FAM168A: variants seen among roughly 807,000 people sequenced by gnomAD.
FAM168A encodes the protein family with sequence similarity 168 member A.
A neutral mutation model predicts 28.5 loss-of-function variants in FAM168A; 3 were observed. The observed-to-expected ratio is 0.11, with a 90% confidence interval of 0.05 to 0.27. The LOEUF is 0.27. Ranked by LOEUF, FAM168A falls within the 10% of genes least tolerant of loss-of-function variation. FAM168A has a pLI of 1.00. For missense variants in FAM168A, 222 were observed against 311.5 expected (o/e 0.71, Z 2.16); for synonymous variants, 122 against 124.2 (o/e 0.98, Z 0.12).
At chr11:73,442,834 CTTTCTTTT>C (rs1305409723) in intron 2 of FAM168A, among the ~76,000 whole-genome samples, 2 of 131,590 alleles carry the variant, frequency 1.5e-5, no homozygotes, top group Non-Finnish European at 3.2e-5. Flanking sequence ...TTCTTTCTTT[CTTTCTTTT>C]TTTTTTTTTT....
chr11:73,500,985 T>C (rs1854999728), intron 1 of FAM168A, among the ~76,000 whole-genome samples: 1 of 145,530 alleles, frequency 6.9e-6, no homozygotes, highest in African/African-American at 2.6e-5. Context: ...AATAAAGGGA[T>C]GGAAGAAAAT....
At chr11:73,496,294 G>A (rs1045897158) in intron 1 of FAM168A, among the ~76,000 whole-genome samples, 1 of 152,198 alleles carries the variant, frequency 6.6e-6, no homozygotes, top group African/African-American at 2.4e-5. Context: ...AAAGTAAAAT[G>A]GTGGTTACCA....
At chr11:73,582,817 A>G (rs1206273975) in intron 1 of FAM168A, among the ~76,000 whole-genome samples, 2 of 152,208 alleles carry the variant, frequency 1.3e-5, no homozygotes, top group Non-Finnish European at 2.9e-5. Context: ...ATTCATTCCA[A>G]GTGAGATTCC....
At chr11:73,492,538 G>A (rs1179554196) in intron 1 of FAM168A, among the ~76,000 whole-genome samples, 1 of 152,100 alleles carries the variant, frequency 6.6e-6, no homozygotes, top group Non-Finnish European at 1.5e-5. Flanking sequence ...GCTACACGGG[G>A]GGCTGAGGCA....
chr11:73,468,631 A>G (rs149058694), intron 1 of FAM168A, 139 bp from the exon 2 acceptor site: 70 of 654,322 alleles, frequency 1.1e-4, no homozygotes, highest in African/African-American at 9.3e-4. Flanking sequence ...AAAAAAGCCA[A>G]TTTGCTTGTA....
At chr11:73,438,213 A>C (rs1219436862) in intron 2 of FAM168A, among the ~76,000 whole-genome samples, 1 of 152,174 alleles carries the variant, frequency 6.6e-6, no homozygotes, top group Admixed American at 6.5e-5. Context: ...CTTACAGTCT[A>C]ATGGGAAAAT....
intron 2 of FAM168A, among the ~76,000 whole-genome samples, chr11:73,465,219 A>G (rs1289031475): frequency 1.3e-5 from 2 of 149,686 alleles, no homozygotes; most frequent in Non-Finnish European, 3.0e-5. Context: ...AGATTTCAGC[A>G]GAGATCTGAC....
chr11:73,548,966 G>A (rs776355231), intron 1 of FAM168A, among the ~76,000 whole-genome samples: 3 of 151,824 alleles, frequency 2.0e-5, no homozygotes, highest in Non-Finnish European at 4.4e-5. Context: ...TTTTGAGACG[G>A]AGTTTTGCTC....
At chr11:73,477,174 T>C (rs1055278630) in intron 1 of FAM168A, among the ~76,000 whole-genome samples, 6 of 151,842 alleles carry the variant, frequency 4.0e-5, no homozygotes, top group Non-Finnish European at 5.9e-5. Flanking sequence ...TGAGTACACA[T>C]AGACACAATG....
chr11:73,519,195 C>T (rs1012628501), intron 1 of FAM168A, among the ~76,000 whole-genome samples: 1 of 152,148 alleles, frequency 6.6e-6, no homozygotes, highest in Non-Finnish European at 1.5e-5. Flanking sequence ...TTTCTCCTCC[C>T]CTTGAATCTG....
intron 1 of FAM168A, among the ~76,000 whole-genome samples, chr11:73,490,500 T>C (rs1868113123): frequency 6.6e-6 from 1 of 152,184 alleles, no homozygotes; most frequent in Admixed American, 6.5e-5. Context: ...AATTACCTTC[T>C]CAACCTTTTG....
At chr11:73,577,028 G>C (rs549205332) in intron 1 of FAM168A, among the ~76,000 whole-genome samples, 1 of 152,252 alleles carries the variant, frequency 6.6e-6, no homozygotes, top group East Asian at 1.9e-4. Context: ...GACTTGAATG[G>C]GAAACCTGAG....
chr11:73,407,556 T>A lies in FAM168A; in HGVS notation c.683A>T (p.Tyr228Phe), dbSNP rs1305913923. The A allele has an allele frequency of 1.2e-6, 2 of 1,603,674 alleles. No homozygotes were observed. Among genetic ancestry groups the A allele is most frequent in the African/African-American group, 1.3e-5 (1 of 74,212 alleles). ...TTACCAGTGTGGGGGCACGTAGCTG[T>A]ACGCAGGGGTTCCTTGGGCCCTATA... ...PTYRAQGTPAYSYVPPHW is the reference protein window; with the variant it reads ...PTYRAQGTPAFSYVPPHW Residue 228 changes from tyrosine to phenylalanine, a missense_variant, in exon 7 of 8, where the codon TAC becomes TTC. Physicochemically the swap from Tyr to Phe is conservative, Grantham distance 22. Around this residue, in one of 3 missense-constraint regions of FAM168A, gnomAD observed 64 missense variants for 94.6 expected, o/e 0.68. Transcript: ENST00000356467.
At chr11:73,517,539 G>C (rs1201559848) in intron 1 of FAM168A, among the ~76,000 whole-genome samples, 2 of 152,092 alleles carry the variant, frequency 1.3e-5, no homozygotes, top group Non-Finnish European at 2.9e-5. Context: ...TGTTTCGGCG[G>C]GGGCGGGGGG....
intron 1 of FAM168A, among the ~76,000 whole-genome samples, chr11:73,469,352 C>T (rs1385302597): frequency 6.6e-6 from 1 of 152,184 alleles, no homozygotes; most frequent in Non-Finnish European, 1.5e-5. Flanking sequence ...ATTATTTACA[C>T]ATCATAAAAA....
chr11:73,558,488 A>C (rs941266520), intron 1 of FAM168A, among the ~76,000 whole-genome samples: 4 of 151,300 alleles, frequency 2.6e-5, no homozygotes, highest in African/African-American at 9.7e-5. Context: ...AAAAAAAAAA[A>C]AAAAGTGGAA....
intron 2 of FAM168A, among the ~76,000 whole-genome samples, chr11:73,441,782 A>C (rs1033061880): frequency 6.6e-6 from 1 of 152,130 alleles, no homozygotes; most frequent in Non-Finnish European, 1.5e-5. Context: ...CTAGGTGCCT[A>C]ATTTGTTAGC....
chr11:73,571,599 C>T (rs1445683904), intron 1 of FAM168A, among the ~76,000 whole-genome samples: 3 of 151,858 alleles, frequency 2.0e-5, no homozygotes, highest in African/African-American at 7.3e-5. Context: ...CTCGCTACAA[C>T]CTCCACCTCC....
At chr11:73,416,081 G>A (rs1294613589) in intron 4 of FAM168A, among the ~76,000 whole-genome samples, 1 of 152,154 alleles carries the variant, frequency 6.6e-6, no homozygotes, top group Non-Finnish European at 1.5e-5. Flanking sequence ...ACTGGCCTTT[G>A]TTGTCCCCAT....
Sources: allele counts gnomAD v4.1 joint callset (sites outside exome capture counted in the v4.1 genomes callset), GRCh38; gene constraint gnomAD v4.1.1; regional missense constraint gnomAD v4.1.1; transcripts MANE v1.5; gene names NCBI Gene and HGNC (gene_info 2026-07-23, HGNC 2026-07-21).